Variants in CCDC144A observed in about 807,000 individuals in gnomAD.
CCDC144A encodes coiled-coil domain containing 144A.
In CCDC144A, 41 loss-of-function variants were observed where a neutral mutation model predicts 143.8. That is an observed-to-expected ratio of 0.29 (90% confidence interval 0.22 to 0.37). The LOEUF is 0.37. Among genes scored for constraint, CCDC144A ranks in the 10% least tolerant of loss-of-function variants. CCDC144A has a pLI of 1.00. For synonymous variants in CCDC144A, 242 were observed against 517.9 expected, an observed-to-expected ratio of 0.47 and a Z score of 7.23; for missense variants, 637 against 1,488.8, an observed-to-expected ratio of 0.43 and a Z score of 9.41.
At chr17:16,737,370 T>G (rs1304105178) in intron 12 of CCDC144A, among the ~76,000 whole-genome samples, 1 of 151,278 alleles carries the variant, frequency 6.6e-6, no homozygotes, top group African/African-American at 2.4e-5. Flanking sequence ...GTTTCACCGT[T>G]TTAGCCGGGA....
the CCDC144A span, among the ~76,000 whole-genome samples, chr17:16,671,082 G>T: frequency 6.6e-6 from 1 of 151,732 alleles, no homozygotes; most frequent in African/African-American, 2.4e-5. Flanking sequence ...CACTTGCTGA[G>T]TTCAAGCGAT....
At chr17:16,773,265 C>T (rs1915891893) in intron 16 of CCDC144A, among the ~76,000 whole-genome samples, 1 of 151,792 alleles carries the variant, frequency 6.6e-6, no homozygotes. Context: ...CCTGTGCCAA[C>T]ATGACGAAAC....
chr17:16,763,137 T>C (rs1296760655), intron 14 of CCDC144A, among the ~76,000 whole-genome samples: 2 of 151,016 alleles, frequency 1.3e-5, no homozygotes, highest in African/African-American at 2.5e-5. Flanking sequence ...TGAAGGGAAG[T>C]ATAACTTACT....
At chr17:16,695,337 C>G in intron 2 of CCDC144A, 1 of 152,126 alleles carries the variant, frequency 6.6e-6, no homozygotes. Context: ...CCTGTAATCT[C>G]ACCACTTTGG....
Position 16,690,734 on chromosome 17 carries a change from A to G in CCDC144A, c.334A>G (p.Arg112Gly), listed in dbSNP as rs752073461. Residue 112 changes from arginine to glycine, a missense_variant, in exon 1 of 17, where the codon AGG becomes GGG. Transcript: ENST00000399273. ...PGDTGVDKRD[R>G]KKSIQQLVPE... ...AGACACTGGCGTGGACAAGAGGGAT[A>G]GGAAGAAGAGGTAATGGCCAGGCGA... 52 of 1,602,696 alleles carry G rather than the reference A, an allele frequency of 3.2e-5. No individual in the cohort carries two copies. The East Asian group carries it at 1.2e-3, about 36-fold the overall frequency.
At chr17:16,717,843 T>C (rs1187182856) in intron 6 of CCDC144A, among the ~76,000 whole-genome samples, 1 of 152,206 alleles carries the variant, frequency 6.6e-6, no homozygotes, top group African/African-American at 2.4e-5. Context: ...TGTAGATTTT[T>C]TAAAGTTGTG....
upstream of CCDC144A, among the ~76,000 whole-genome samples, chr17:16,689,126 C>CCCTT (rs1348773241): frequency 1.3e-5 from 2 of 151,928 alleles, no homozygotes; most frequent in East Asian, 3.9e-4. Context: ...TCCTTTGTCA[C>CCCTT]CCTTCCTTCC....
intron 6 of CCDC144A, among the ~76,000 whole-genome samples, chr17:16,717,541 AG>A (rs755269636): frequency 2.0e-4 from 30 of 152,110 alleles, no homozygotes; most frequent in Non-Finnish European, 3.2e-4. Context: ...CCATTCTCCA[AG>A]TGGAGTAGTT....
chr17:16,669,874 A>T, the CCDC144A span, among the ~76,000 whole-genome samples: 2 of 152,184 alleles, frequency 1.3e-5, no homozygotes, highest in Non-Finnish European at 1.5e-5. Context: ...GTCAAGGTAG[A>T]TATTATGCCA....
At chr17:16,698,707 T>G (rs1911556900) in intron 2 of CCDC144A, among the ~76,000 whole-genome samples, 1 of 152,244 alleles carries the variant, frequency 6.6e-6, no homozygotes, top group South Asian at 2.1e-4. Context: ...CAACAACAAC[T>G]GGAAGCCACC....
intron 12 of CCDC144A, among the ~76,000 whole-genome samples, chr17:16,737,162 C>T (rs1207352544): frequency 3.0e-4 from 31 of 102,618 alleles, no homozygotes; most frequent in Middle Eastern, 6.5e-3. Context: ...AGAGTTAAAT[C>T]TTTTTTTTTT....
At chr17:16,765,684 T>C (rs1376855921) in intron 15 of CCDC144A, 1 of 149,628 alleles carries the variant, frequency 6.7e-6, no homozygotes. Flanking sequence ...CCAAATAGCT[T>C]AAAAGGGAAT....
At chr17:16,703,361 A>G (rs1471135902) in intron 2 of CCDC144A, among the ~76,000 whole-genome samples, 5 of 151,986 alleles carry the variant, frequency 3.3e-5, no homozygotes, top group Non-Finnish European at 1.5e-5. Context: ...CTGGTTTTCT[A>G]TCAAATGACT....
At chr17:16,690,097 A>C (rs1457541937), upstream of CCDC144A, 3 of 233,548 alleles carry the variant, frequency 1.3e-5, no homozygotes, top group Non-Finnish European at 2.5e-5. Flanking sequence ...TTTTTCTGGG[A>C]GGCTGGAGCT....
intron 14 of CCDC144A, among the ~76,000 whole-genome samples, chr17:16,763,077 C>T (rs1915448046): frequency 6.6e-6 from 1 of 151,244 alleles, no homozygotes; most frequent in African/African-American, 2.5e-5. Flanking sequence ...TATAGTTTTT[C>T]CAATCCACAT....
chr17:16,770,431 G>T (rs1317121814), intron 15 of CCDC144A, among the ~76,000 whole-genome samples: 3 of 152,228 alleles, frequency 2.0e-5, no homozygotes, highest in African/African-American at 7.2e-5. Context: ...TTACAGGTGT[G>T]AGCCACCGTG....
At chr17:16,685,365 C>T (rs572100711), upstream of CCDC144A, among the ~76,000 whole-genome samples, 4 of 151,242 alleles carry the variant, frequency 2.6e-5, no homozygotes, top group Admixed American at 6.6e-5. Context: ...CTTCCAACGC[C>T]GTTTTTTGTT....
intron 2 of CCDC144A, among the ~76,000 whole-genome samples, chr17:16,698,342 A>C (rs1013016272): frequency 5.3e-5 from 8 of 151,990 alleles, no homozygotes; most frequent in Non-Finnish European, 2.9e-5. Flanking sequence ...ATTACTAAAA[A>C]GTAAAGTGAG....
rs1233416798 is a variant in CCDC144A, at chr17:16,776,717, G to A, written c.*3084G>A. 1 of 151,772 alleles carries A rather than the reference G, an allele frequency of 6.6e-6. No individual in the cohort carries two copies. The highest frequency in any genetic ancestry group is 1.5e-5 in the Non-Finnish European group (1 of 67,948). 9.4% of individuals were successfully genotyped at this position (151,772 alleles called of 1,614,324 possible). A position where few individuals can be genotyped will look rare whatever the true frequency, so the allele number is the denominator to read the frequency against. ...TTCTTTCTCTTGCCTGATTGCCTTGGTGAGAATTTCTAATACTGTGTTGAA... is the reference window on the plus strand; with the variant it reads ...TTCTTTCTCTTGCCTGATTGCCTTGATGAGAATTTCTAATACTGTGTTGAA... On this transcript the variant is annotated 3_prime_UTR_variant, in exon 17 of 17. Coordinates refer to ENST00000399273, the MANE Select transcript of CCDC144A (RefSeq NM_001382000.1).
Sources: allele counts gnomAD v4.1 joint callset (sites outside exome capture counted in the v4.1 genomes callset), GRCh38; gene constraint gnomAD v4.1.1; transcripts MANE v1.5; gene names NCBI Gene and HGNC (gene_info 2026-07-23, HGNC 2026-07-21).